XPO6: variants seen among roughly 807,000 people sequenced by gnomAD.
The protein encoded by XPO6 is exportin-6.
XPO6 carries 3 observed loss-of-function variants against 130.0 expected under a neutral mutation model. That is an observed-to-expected ratio of 0.02 (90% CI 0.01 to 0.06). The LOEUF is 0.06. Among genes scored for constraint, XPO6 ranks in the 10% least tolerant of loss-of-function variants. The probability of loss-of-function intolerance (pLI) is 1.00; values close to 1 mark genes in which losing one functional copy is unlikely to be tolerated. For missense variants in XPO6, 970 were observed against 1,393.0 expected, an observed-to-expected ratio of 0.70 and a Z score of 4.83; for synonymous variants, 524 against 548.9, an observed-to-expected ratio of 0.95 and a Z score of 0.63.
chr16:28,178,646 T>C lies in XPO6; in HGVS notation c.95-1314A>G, dbSNP rs1349537729. Among the ~76,000 whole-genome samples the C allele has an allele frequency of 3.3e-5, 5 of 151,390 alleles. No individual in the cohort carries two copies. The East Asian group carries it at 5.8e-4, about 18-fold the overall frequency. On this transcript the variant is annotated intron_variant, in intron 2 of 23. Coordinates refer to ENST00000304658, the MANE Select transcript of XPO6 (RefSeq NM_015171.4). ...ACTTAGGAGAGTGTCAAAATGAACA[T>C]GCTTTGGTGTGCCTGAAGCTTTAGC...
At chr16:28,164,839 C>A (rs913945859) in intron 6 of XPO6, among the ~76,000 whole-genome samples, 2 of 152,192 alleles carry the variant, frequency 1.3e-5, no homozygotes, top group African/African-American at 4.8e-5. Context: ...GAAACACAAA[C>A]AAGCATTTCT....
At chr16:28,158,208 G>A (rs1321276856) in intron 6 of XPO6, among the ~76,000 whole-genome samples, 18 of 152,110 alleles carry the variant, frequency 1.2e-4, no homozygotes, top group Admixed American at 1.1e-3. Context: ...AGAAGACAGA[G>A]GTTATCTACA....
chr16:28,124,872 C>A (rs1009256729), intron 13 of XPO6, among the ~76,000 whole-genome samples: 5 of 152,226 alleles, frequency 3.3e-5, no homozygotes, highest in Admixed American at 2.0e-4. Context: ...CTGCACGTCA[C>A]CAGTGATGCG....
rs1283584218 is a variant in XPO6, at chr16:28,156,035, T to C, written c.1097+39A>G. 6 of 1,558,412 alleles carry C rather than the reference T, an allele frequency of 3.9e-6. No homozygotes were observed. The Admixed American group carries it at 1.1e-4, about 29-fold the overall frequency. On this transcript the variant is annotated intron_variant, in intron 7 of 23. Coordinates refer to ENST00000304658, the MANE Select transcript of XPO6 (RefSeq NM_015171.4). Reference sequence around the variant, plus strand: ...ACAGCATGGTAAACAGTCAGGGCCCTTTCTTGGGGCACACCAGCTCCACAC... The same window carrying C: ...ACAGCATGGTAAACAGTCAGGGCCCCTTCTTGGGGCACACCAGCTCCACAC...
At chr16:28,192,006 T>A (rs1204004826) in intron 1 of XPO6, among the ~76,000 whole-genome samples, 1 of 152,150 alleles carries the variant, frequency 6.6e-6, no homozygotes, top group Non-Finnish European at 1.5e-5. Flanking sequence ...ACGCCTGTAA[T>A]CCCAGCACTG....
intron 8 of XPO6, among the ~76,000 whole-genome samples, chr16:28,150,679 A>T (rs1291579925): frequency 6.6e-6 from 1 of 152,178 alleles, no homozygotes; most frequent in Non-Finnish European, 1.5e-5. Context: ...AAATGTCAAG[A>T]CATTGTCATT....
intron 9 of XPO6, among the ~76,000 whole-genome samples, chr16:28,143,301 T>C (rs958624585): frequency 2.0e-5 from 3 of 152,176 alleles, no homozygotes; most frequent in Non-Finnish European, 4.4e-5. Flanking sequence ...GGCAGTAACA[T>C]CTTCTATTAT....
intron 6 of XPO6, 80 bp downstream of exon 6, chr16:28,166,428 G>C: frequency 6.8e-7 from 1 of 1,470,306 alleles, no homozygotes. Context: ...TCAGTACTGA[G>C]GACTACAGTT....
chr16:28,112,972 T>G lies in XPO6; in HGVS notation c.2083A>C (p.Ser695Arg). Residue 695 changes from serine (S) to arginine (R), a missense_variant, in exon 16 of 24, where the codon AGC becomes CGC. Physicochemically the swap from Ser to Arg is moderately radical, Grantham distance 110 (BLOSUM62 -1). This residue lies in a region of XPO6 where 936 missense variants were observed against 1,306.8 expected (regional missense o/e 0.72). Transcript: ENST00000304658. ...ATTVRPVFLI[S>R]IPAVQKVFNR... Reference sequence around the variant, plus strand: ...AATACTTTCTGCACTGCAGGGATGCTGATCAGAAAGACGGGCCGCACGGTG... The same window carrying G: ...AATACTTTCTGCACTGCAGGGATGCGGATCAGAAAGACGGGCCGCACGGTG... The G allele has an allele frequency of 6.2e-7, 1 of 1,614,190 alleles. No individual in the cohort carries two copies. The highest frequency in any genetic ancestry group is 8.5e-7 in the Non-Finnish European group (1 of 1,180,028).
chr16:28,204,720 C>A (rs2044001906), intron 1 of XPO6, among the ~76,000 whole-genome samples: 1 of 152,136 alleles, frequency 6.6e-6, no homozygotes, highest in African/African-American at 2.4e-5. Flanking sequence ...ACCTGTGCGA[C>A]AGGAGGAAAA....
At chr16:28,198,285 G>A (rs1256509511) in intron 1 of XPO6, among the ~76,000 whole-genome samples, 1 of 151,620 alleles carries the variant, frequency 6.6e-6, no homozygotes, top group Non-Finnish European at 1.5e-5. Flanking sequence ...AAGACTAGAA[G>A]GAAGCAAATC....
chr16:28,146,210 T>G lies in XPO6; in HGVS notation c.1225-7A>C. On this transcript the variant is annotated splice_region_variant and splice_polypyrimidine_tract_variant and intron_variant, in intron 8 of 23. Coordinates refer to ENST00000304658, the MANE Select transcript of XPO6 (RefSeq NM_015171.4). ...AGTAACCTTCATGAGTAGGCTATGG[T>G]ACAAAAAAAATCCAGACAATGAAAT... is the stretch of plus-strand genomic sequence containing the variant. The G allele has an allele frequency of 6.3e-7, 1 of 1,595,568 alleles. No homozygotes were observed. Among genetic ancestry groups the G allele is most frequent in the Non-Finnish European group, 8.6e-7 (1 of 1,163,898 alleles).
intron 12 of XPO6, among the ~76,000 whole-genome samples, chr16:28,128,305 G>A (rs1162781926): frequency 6.6e-6 from 1 of 152,090 alleles, no homozygotes. Context: ...GTATAGCATA[G>A]TACAGGCCCA....
At chr16:28,194,410 G>GT (rs1025212267) in intron 1 of XPO6, among the ~76,000 whole-genome samples, 6 of 152,176 alleles carry the variant, frequency 3.9e-5, no homozygotes, top group African/African-American at 1.4e-4. Context: ...GTTCAGGACA[G>GT]TAAGAGTTTG....
rs775080031 is a variant in XPO6, at chr16:28,098,202, C to T, written c.*336G>A. On this transcript the variant is annotated 3_prime_UTR_variant, in exon 24 of 24. Coordinates refer to ENST00000304658, the MANE Select transcript of XPO6 (RefSeq NM_015171.4). ...TGGAATGGTGAGAAGGTGGCACTGT[C>T]GTGAGCTGTCCTTGGCAATTCTGCC... 2 of 225,292 alleles carry T rather than the reference C, an allele frequency of 8.9e-6. No homozygotes were observed. The highest frequency in any genetic ancestry group is 1.0e-4 in the South Asian group (1 of 9,714). 14.0% of individuals were successfully genotyped at this position (225,292 alleles called of 1,614,324 possible). A position where few individuals can be genotyped will look rare whatever the true frequency, so the allele number is the denominator to read the frequency against.
Position 28,186,374 on chromosome 16 carries a change from C to CTTTTTTTTT in XPO6, c.4-5352_4-5344dup, listed in dbSNP as rs60754642. Among the ~76,000 whole-genome samples the CTTTTTTTTT allele has an allele frequency of 8.2e-3, 669 of 81,404 alleles. 169 individuals are homozygous for CTTTTTTTTT. Among genetic ancestry groups the CTTTTTTTTT allele is most frequent in the African/African-American group, 0.038 (572 of 15,242 alleles). 53.4% of individuals were successfully genotyped at this position (81,404 alleles called of 152,430 possible). On this transcript the variant is annotated intron_variant, in intron 1 of 23. Coordinates refer to ENST00000304658, the MANE Select transcript of XPO6 (RefSeq NM_015171.4). ...TATAGATTTTTCTGCCCCAGTTATT[C>CTTTTTTTTT]TTTTTTTTTTTTTTTTTGCTAAAGA...
intron 8 of XPO6, among the ~76,000 whole-genome samples, chr16:28,151,324 C>T (rs760129184): frequency 1.4e-4 from 22 of 152,072 alleles, no homozygotes; most frequent in Non-Finnish European, 2.2e-4. Context: ...GATCAGTAAG[C>T]ACTGGAAGCA....
At chr16:28,154,181 T>C (rs956069972) in intron 7 of XPO6, 36 of 983,524 alleles carry the variant, frequency 3.7e-5, no homozygotes, top group Non-Finnish European at 4.3e-5. Context: ...CATGATAGTT[T>C]TACATGGATA....
At chr16:28,196,878 C>T (rs951967358) in intron 1 of XPO6, among the ~76,000 whole-genome samples, 9 of 152,182 alleles carry the variant, frequency 5.9e-5, no homozygotes, top group African/African-American at 1.9e-4. Context: ...TAGCCTGAGT[C>T]CCTTACCACA....
Sources: allele counts gnomAD v4.1 joint callset (sites outside exome capture counted in the v4.1 genomes callset), GRCh38; gene constraint gnomAD v4.1.1; regional missense constraint gnomAD v4.1.1; transcripts MANE v1.5; gene names NCBI Gene and HGNC (gene_info 2026-07-23, HGNC 2026-07-21).